AKAP19: variants seen among roughly 807,000 people sequenced by gnomAD.
The protein encoded by AKAP19 is A-kinase anchoring protein 19.
chr2:190,138,822 A>T, the AKAP19 span, among the ~76,000 whole-genome samples: 1 of 152,180 alleles, frequency 6.6e-6, no homozygotes, highest in Non-Finnish European at 1.5e-5. Context: ...GGCCATTTTC[A>T]CGAGAAGACC....
the AKAP19 span, among the ~76,000 whole-genome samples, chr2:189,890,882 T>C: frequency 6.6e-6 from 1 of 152,218 alleles, no homozygotes. Context: ...TTTGCCAATC[T>C]GTGTCTTTTA....
the AKAP19 span, chr2:189,917,625 C>A: frequency 7.3e-4 from 247 of 336,450 alleles, 1 homozygote; most frequent in Middle Eastern, 6.6e-3. Context: ...CTTGTGAGAC[C>A]TTTTTCTTGT....
the AKAP19 span, among the ~76,000 whole-genome samples, chr2:189,971,447 C>T: frequency 2.6e-5 from 4 of 152,074 alleles, no homozygotes; most frequent in South Asian, 2.1e-4. Context: ...TGAACACATG[C>T]GTGCATGTGT....
At chr2:190,183,580 A>T in the AKAP19 span, among the ~76,000 whole-genome samples, 1,012 of 152,262 alleles carry the variant, frequency 6.6e-3, 12 homozygotes, top group African/African-American at 0.024. Context: ...ATGTCAAACT[A>T]TTAGTCTGTA....
At chr2:190,124,247 G>A in the AKAP19 span, among the ~76,000 whole-genome samples, 4 of 152,292 alleles carry the variant, frequency 2.6e-5, 1 homozygote, top group South Asian at 8.3e-4. Flanking sequence ...ACAGATGTAT[G>A]TTCTGAGAAA....
the AKAP19 span, among the ~76,000 whole-genome samples, chr2:190,195,822 C>T: frequency 4.6e-5 from 7 of 152,160 alleles, no homozygotes; most frequent in Middle Eastern, 3.4e-3. Context: ...AAAAGGTTGT[C>T]GCCAAACCCA....
chr2:190,085,681 A>G, the AKAP19 span, among the ~76,000 whole-genome samples: 1 of 152,242 alleles, frequency 6.6e-6, no homozygotes, highest in Non-Finnish European at 1.5e-5. Flanking sequence ...GTTAATGTAT[A>G]CATAGATTAG....
At chr2:190,197,148 G>A in the AKAP19 span, among the ~76,000 whole-genome samples, 5 of 152,240 alleles carry the variant, frequency 3.3e-5, no homozygotes, top group South Asian at 8.3e-4. The surrounding 1 kb of genome is among the most constrained non-coding windows in gnomAD (Gnocchi z 4.0). Context: ...ATACCATCAC[G>A]TTGGGGATTA....
chr2:190,186,524 G>C, the AKAP19 span, among the ~76,000 whole-genome samples: 5 of 152,172 alleles, frequency 3.3e-5, no homozygotes, highest in Non-Finnish European at 5.9e-5. This position sits in a 1 kb window ranked among gnomAD's most constrained non-coding sequence, Gnocchi z 5.5. Context: ...CTACAGTAGT[G>C]TTCTTTCGGT....
At chr2:189,947,936 T>C in the AKAP19 span, among the ~76,000 whole-genome samples, 1 of 152,146 alleles carries the variant, frequency 6.6e-6, no homozygotes. Context: ...TAGGTTTATG[T>C]TACTAAGATT....
the AKAP19 span, among the ~76,000 whole-genome samples, chr2:189,980,991 AC>A: frequency 6.6e-6 from 1 of 152,202 alleles, no homozygotes; most frequent in African/African-American, 2.4e-5. Flanking sequence ...AAAAATGTAT[AC>A]GCTGTGGTTT....
At chr2:189,917,751 G>T in the AKAP19 span, 67 of 180,410 alleles carry the variant, frequency 3.7e-4, no homozygotes, top group Middle Eastern at 2.4e-3. Context: ...CATTAGAAAG[G>T]TTGATGAATC....
chr2:190,003,366 CT>C, the AKAP19 span, among the ~76,000 whole-genome samples: 1 of 151,954 alleles, frequency 6.6e-6, no homozygotes, highest in Non-Finnish European at 1.5e-5. Flanking sequence ...ATAAACTCTT[CT>C]TTTTTGACAT....
the AKAP19 span, chr2:190,180,819 A>C: frequency 3.0e-6 from 3 of 985,050 alleles, no homozygotes; most frequent in Non-Finnish European, 3.6e-6. The surrounding 1 kb of genome is among the most constrained non-coding windows in gnomAD (Gnocchi z 6.8). Context: ...CGGCAGGAGG[A>C]GGGGCCGGGA....
At chr2:189,941,900 A>G in the AKAP19 span, among the ~76,000 whole-genome samples, 8 of 152,324 alleles carry the variant, frequency 5.3e-5, no homozygotes, top group African/African-American at 1.7e-4. Context: ...AGATGCAACT[A>G]TATGCTGCCT....
chr2:190,191,652 C>T, the AKAP19 span, among the ~76,000 whole-genome samples: 1 of 152,130 alleles, frequency 6.6e-6, no homozygotes, highest in Non-Finnish European at 1.5e-5. Flanking sequence ...ATTATTTTTA[C>T]CCATTCTAAC....
At chr2:190,015,338 T>A in the AKAP19 span, among the ~76,000 whole-genome samples, 1 of 152,158 alleles carries the variant, frequency 6.6e-6, no homozygotes, top group Non-Finnish European at 1.5e-5. Context: ...CAACACCACA[T>A]GTAAGCCACC....
chr2:190,127,058 C>T, the AKAP19 span, among the ~76,000 whole-genome samples: 1 of 151,884 alleles, frequency 6.6e-6, no homozygotes, highest in African/African-American at 2.4e-5. Context: ...CAAGGTGTAG[C>T]ACTGTTAAGG....
At chr2:190,056,817 C>A in the AKAP19 span, 1 of 181,408 alleles carries the variant, frequency 5.5e-6, no homozygotes, top group South Asian at 1.2e-4. Context: ...AATATAAATT[C>A]AAGTGTTTAA....
Sources: allele counts gnomAD v4.1 joint callset (sites outside exome capture counted in the v4.1 genomes callset), GRCh38; gene constraint gnomAD v4.1.1; non-coding constraint Gnocchi (gnomAD v3.1); transcripts MANE v1.5; gene names NCBI Gene and HGNC (gene_info 2026-07-23, HGNC 2026-07-21).